PRKN: variants seen among roughly 807,000 people sequenced by gnomAD.
The protein encoded by PRKN is parkin RBR E3 ubiquitin protein ligase, also known as E3 ubiquitin-protein ligase parkin.
PRKN carries 56 observed loss-of-function variants against 59.5 expected under a neutral mutation model. The observed-to-expected ratio is 0.94, with a 90% CI of 0.76 to 1.18. The LOEUF (loss-of-function observed/expected upper bound fraction) is 1.18. Among genes scored for constraint, PRKN ranks in the 50% most tolerant of loss-of-function variants. PRKN has a pLI of 0.00. For synonymous variants in PRKN, 250 were observed against 222.1 expected (o/e 1.13, Z -1.12); for missense variants, 657 against 596.4 (o/e 1.10, Z -1.06).
intron 1 of PRKN, among the ~76,000 whole-genome samples, chr6:162,490,232 C>CG (rs1460377309): frequency 4.6e-5 from 7 of 152,164 alleles, no homozygotes; most frequent in East Asian, 1.9e-4. Flanking sequence ...AATCATTTGT[C>CG]GGGGGGAAAA....
intron 1 of PRKN, among the ~76,000 whole-genome samples, chr6:162,542,907 G>A (rs1332092705): frequency 3.3e-5 from 5 of 152,034 alleles, no homozygotes; most frequent in Admixed American, 6.6e-5. Context: ...TCCGCCGAGT[G>A]CCCTAACCAC....
At chr6:162,370,544 G>A (rs1785708503) in intron 2 of PRKN, among the ~76,000 whole-genome samples, 1 of 151,926 alleles carries the variant, frequency 6.6e-6, no homozygotes, top group Non-Finnish European at 1.5e-5. Flanking sequence ...TAGCATAATG[G>A]TTACTTTAAT....
intron 3 of PRKN, among the ~76,000 whole-genome samples, chr6:162,204,975 G>A (rs1784878370): frequency 6.6e-6 from 1 of 151,438 alleles, no homozygotes; most frequent in African/African-American, 2.4e-5. Context: ...TGATTCTCCT[G>A]CCTCAACCTC....
intron 2 of PRKN, among the ~76,000 whole-genome samples, chr6:162,284,574 CTATAAA>C (rs1781095856): frequency 6.6e-6 from 1 of 152,124 alleles, no homozygotes; most frequent in South Asian, 2.1e-4. Context: ...GCCAGTTCTC[CTATAAA>C]TAGCAATTCC....
In PRKN at chr6:162,168,069, G is replaced by A. The variant is rs543963946; in HGVS notation, c.534+33062C>T. Among the ~76,000 whole-genome samples the A allele has an allele frequency of 3.3e-5, 5 of 152,216 alleles. No homozygotes were observed. In the South Asian group the frequency reaches 6.2e-4, roughly 19 times the overall value. ...ATTGCTCAAAGGTTAGGGGCAATCT[G>A]CTCTTCTTGGAGTAAAATTCAAGGG... On this transcript the variant is annotated intron_variant, in intron 4 of 11. Transcript: ENST00000366898.
intron 1 of PRKN, among the ~76,000 whole-genome samples, chr6:162,554,270 G>A (rs1321354995): frequency 6.6e-6 from 1 of 152,182 alleles, no homozygotes; most frequent in Non-Finnish European, 1.5e-5. Flanking sequence ...TTGGGAGGCT[G>A]AGGCGGGCGG....
intron 4 of PRKN, among the ~76,000 whole-genome samples, chr6:162,187,861 G>T (rs952867355): frequency 1.3e-5 from 2 of 152,144 alleles, no homozygotes; most frequent in East Asian, 3.9e-4. Flanking sequence ...TTGTGCAGTT[G>T]AAGCTACAAA....
At chr6:162,441,561 A>AGGGG (rs1472283882) in intron 2 of PRKN, among the ~76,000 whole-genome samples, 4 of 152,218 alleles carry the variant, frequency 2.6e-5, no homozygotes, top group Non-Finnish European at 5.9e-5. Context: ...TATAGCTATT[A>AGGGG]GGTTGAACAA....
At chr6:161,816,160 G>C (rs1030795336) in intron 6 of PRKN, among the ~76,000 whole-genome samples, 3 of 152,222 alleles carry the variant, frequency 2.0e-5, no homozygotes, top group Non-Finnish European at 2.9e-5. Flanking sequence ...GTGGCGGCAG[G>C]CTGCTCAGTA....
chr6:162,171,784 T>G (rs541686515), intron 4 of PRKN, among the ~76,000 whole-genome samples: 73 of 152,304 alleles, frequency 4.8e-4, no homozygotes, highest in African/African-American at 1.7e-3. Flanking sequence ...CATTACATGG[T>G]GCATTTGCCT....
intron 6 of PRKN, among the ~76,000 whole-genome samples, chr6:161,923,152 T>G (rs1778845005): frequency 6.6e-6 from 1 of 152,172 alleles, no homozygotes; most frequent in Non-Finnish European, 1.5e-5. Context: ...CATACAATCC[T>G]CCACTGAGTG....
At chr6:162,646,306 T>C (rs1778184681) in intron 1 of PRKN, among the ~76,000 whole-genome samples, 1 of 151,948 alleles carries the variant, frequency 6.6e-6, no homozygotes, top group Non-Finnish European at 1.5e-5. Context: ...AGAGTCTCTC[T>C]CTTCTGCCCA....
At chr6:161,728,588 G>A (rs1303911228) in intron 7 of PRKN, among the ~76,000 whole-genome samples, 1 of 152,134 alleles carries the variant, frequency 6.6e-6, no homozygotes, top group Admixed American at 6.6e-5. Context: ...CATAATAGAT[G>A]CTCATGGTTA....
intron 4 of PRKN, among the ~76,000 whole-genome samples, chr6:162,124,476 C>T (rs1017470444): frequency 6.6e-6 from 1 of 152,060 alleles, no homozygotes; most frequent in African/African-American, 2.4e-5. Context: ...TGAATAACAG[C>T]AGACATTAAG....
chr6:162,481,741 A>C (rs1792320587), intron 1 of PRKN, among the ~76,000 whole-genome samples: 1 of 152,168 alleles, frequency 6.6e-6, no homozygotes, highest in Admixed American at 6.5e-5. Context: ...ACGGCTGATG[A>C]CAGAGCACTA....
At chr6:161,981,225 T>C (rs1781246840) in intron 5 of PRKN, among the ~76,000 whole-genome samples, 2 of 150,804 alleles carry the variant, frequency 1.3e-5, no homozygotes, top group Admixed American at 6.6e-5. Context: ...GCAACAGATA[T>C]TCCCCAGTTA....
At chr6:161,987,561 A>C (rs898978591) in intron 5 of PRKN, among the ~76,000 whole-genome samples, 1 of 152,232 alleles carries the variant, frequency 6.6e-6, no homozygotes, top group Non-Finnish European at 1.5e-5. Flanking sequence ...CATGTAGAAT[A>C]CCTAATACAA....
At chr6:162,442,226 C>T (rs1312522077) in intron 2 of PRKN, among the ~76,000 whole-genome samples, 2 of 152,112 alleles carry the variant, frequency 1.3e-5, no homozygotes, top group Non-Finnish European at 2.9e-5. Context: ...ATATCGTTAC[C>T]CACAAGAGAC....
rs141628096 is a variant in PRKN at position 161,494,838 on chromosome 6, C to T, written c.1083+54016G>A. Among the ~76,000 whole-genome samples the T allele has an allele frequency of 6.1e-3, 933 of 152,270 alleles. 3 individuals are homozygous for T. Among genetic ancestry groups the T allele is most frequent in the South Asian group, 0.018 (85 of 4,820 alleles). On this transcript the variant is annotated intron_variant, in intron 9 of 11. Transcript: ENST00000366898. ...AACTTGTAAGATCCAAGTCTCCAGG[C>T]GAACATCAAGTTCTTCTAGGATTCA...
Sources: allele counts gnomAD v4.1 joint callset (sites outside exome capture counted in the v4.1 genomes callset), GRCh38; gene constraint gnomAD v4.1.1; transcripts MANE v1.5; gene names NCBI Gene and HGNC (gene_info 2026-07-23, HGNC 2026-07-21).